The following NXN variants were observed in gnomAD, a reference collection of about 807,000 sequenced individuals.
NXN encodes nucleoredoxin 1.
Under a neutral mutation model 48.6 loss-of-function variants are expected in NXN, and 16 were observed. The ratio of observed to expected loss-of-function variants is 0.33; its 90% CI spans 0.22 to 0.50. The LOEUF (loss-of-function observed/expected upper bound fraction) is 0.50. Ranked by LOEUF, NXN falls within the 20% of genes least tolerant of loss-of-function variation. NXN has a pLI of 0.98. For synonymous variants in NXN, 281 were observed against 269.6 expected, an observed-to-expected ratio of 1.04 and a Z score of -0.41; for missense variants, 492 against 605.5, an observed-to-expected ratio of 0.81 and a Z score of 1.97.
At position 932,624 on chromosome 17, in the gene NXN, T is replaced by C. The variant is rs1597252654; in HGVS notation, c.360+46695A>G. Reference sequence around the variant, plus strand: ...TTCCCCAGGTTCTGGGCCCCTGCCCTGTGTGAGCTCTAGTGGGGTCAGCAG... The same window carrying C: ...TTCCCCAGGTTCTGGGCCCCTGCCCCGTGTGAGCTCTAGTGGGGTCAGCAG... On this transcript the variant is annotated intron_variant, in intron 1 of 7. Transcript: ENST00000336868. This position sits in a 1 kb window ranked among gnomAD's most constrained non-coding sequence, Gnocchi z 4.1. Among the ~76,000 whole-genome samples, 1 of 152,272 alleles carries C rather than the reference T, an allele frequency of 6.6e-6. No individual in the cohort carries two copies.
At chr17:863,993 T>C in intron 1 of NXN, 3 of 1,535,266 alleles carry the variant, frequency 2.0e-6, no homozygotes, top group Non-Finnish European at 2.6e-6. Flanking sequence ...ATTGCTCAGT[T>C]TCGGTGAAAG....
At chr17:858,695 C>T (rs1225982401) in intron 1 of NXN, among the ~76,000 whole-genome samples, 1 of 151,436 alleles carries the variant, frequency 6.6e-6, no homozygotes, top group South Asian at 2.1e-4. Context: ...CGCCACTGCA[C>T]TCCAGCCTGG....
At position 958,573 on chromosome 17, in the gene NXN, C is replaced by A. The variant is rs1446123594; in HGVS notation, c.360+20746G>T. Among the ~76,000 whole-genome samples the A allele has an allele frequency of 6.6e-6, 1 of 152,118 alleles. No individual in the cohort carries two copies. Among genetic ancestry groups the A allele is most frequent in the Non-Finnish European group, 1.5e-5 (1 of 68,030 alleles). On this transcript the variant is annotated intron_variant, in intron 1 of 7. Coordinates refer to ENST00000336868, the MANE Select transcript of NXN (RefSeq NM_022463.5). The surrounding 1 kb of genome is among the most constrained non-coding windows in gnomAD (Gnocchi z 6.9). ...GGATCACGAGGTCAGGAGTTCGAGA[C>A]CAGCCTGGCCAACATGGTGAAACCC...
intron 1 of NXN, among the ~76,000 whole-genome samples, chr17:977,551 C>G (rs933273300): frequency 2.0e-5 from 3 of 152,366 alleles, no homozygotes; most frequent in Non-Finnish European, 4.4e-5. Context: ...CATATTTTTA[C>G]TATCCAAAAA....
At chr17:950,472 G>A (rs367962785) in intron 1 of NXN, among the ~76,000 whole-genome samples, 27 of 148,430 alleles carry the variant, frequency 1.8e-4, no homozygotes, top group African/African-American at 6.0e-4. Flanking sequence ...GCAAACGGCC[G>A]GGCCAGCACA....
chr17:832,925 C>CTG (rs1445530680), intron 1 of NXN, among the ~76,000 whole-genome samples: 3 of 152,114 alleles, frequency 2.0e-5, no homozygotes, highest in Admixed American at 6.6e-5. Flanking sequence ...CGGAGTCTCG[C>CTG]TGTCCCCCAG....
intron 1 of NXN, among the ~76,000 whole-genome samples, chr17:948,845 T>A (rs9748058): frequency 4.0e-4 from 12 of 30,322 alleles, no homozygotes; most frequent in African/African-American, 1.5e-3. Context: ...CTCTCCCCCC[T>A]GCCTCCTCCT....
At chr17:940,923 G>C (rs1159495081) in intron 1 of NXN, among the ~76,000 whole-genome samples, 1 of 148,668 alleles carries the variant, frequency 6.7e-6, no homozygotes, top group Non-Finnish European at 1.5e-5. Flanking sequence ...ATTCCAGGGT[G>C]CAGCCATGAA....
intron 1 of NXN, among the ~76,000 whole-genome samples, chr17:955,761 G>C (rs1194362152): frequency 6.6e-6 from 1 of 151,910 alleles, no homozygotes. Context: ...AATTAGCCGG[G>C]CGTGGTGGCG....
chr17:920,050 C>A lies in NXN; in HGVS notation c.360+59269G>T, dbSNP rs1597242824. Among the ~76,000 whole-genome samples, 1 of 152,150 alleles carries A rather than the reference C, an allele frequency of 6.6e-6. No homozygotes were observed. Among genetic ancestry groups the A allele is most frequent in the East Asian group, 1.9e-4 (1 of 5,172 alleles). On this transcript the variant is annotated intron_variant, in intron 1 of 7. Transcript: ENST00000336868. The surrounding 1 kb of genome is among the most constrained non-coding windows in gnomAD (Gnocchi z 4.6). ...ACCTCCGCCTCCAACTCTCTTCGAG[C>A]CACCACGCGGTGCAAATGTTTGTAT...
intron 1 of NXN, among the ~76,000 whole-genome samples, chr17:937,653 C>T (rs2068921771): frequency 6.6e-6 from 1 of 152,186 alleles, no homozygotes; most frequent in Admixed American, 6.5e-5. Flanking sequence ...ACTCCAATTT[C>T]ACTCTTTTCT....
In NXN at chr17:856,554, A is replaced by G. The variant is rs531039085; in HGVS notation, c.361-30476T>C. On this transcript the variant is annotated intron_variant, in intron 1 of 7. Coordinates refer to ENST00000336868, the MANE Select transcript of NXN (RefSeq NM_022463.5). ...CGCCCAGGCTGGAGTGCAGTGGTGC[A>G]ATCTCGGCTCACCGCAACCTCCGCC... Among the ~76,000 whole-genome samples the G allele has an allele frequency of 2.1e-3, 310 of 146,164 alleles. 4 individuals carry two copies. The highest frequency in any genetic ancestry group is 7.6e-3 in the African/African-American group (300 of 39,288).
intron 5 of NXN, among the ~76,000 whole-genome samples, chr17:812,702 GTGTT>G (rs2144606569): frequency 6.6e-6 from 1 of 151,598 alleles, no homozygotes; most frequent in African/African-American, 2.4e-5. Context: ...ATGAATGTAG[GTGTT>G]TGCATGTGAG....
Position 952,212 on chromosome 17 carries a change from G to A in NXN, c.360+27107C>T, listed in dbSNP as rs533447352. 1.5e-3 allele frequency among the ~76,000 whole-genome samples: 179 copies of A among 121,338 alleles called. 2 individuals carry two copies. Among genetic ancestry groups the A allele is most frequent in the African/African-American group, 4.2e-3 (146 of 34,616 alleles). The allele number at this position is 121,338 out of a possible 152,430, so 79.6% of individuals were successfully genotyped here. ...GTCAGAGAGACCAAGGTTGGAACCC[G>A]GCAGGTACCACGGACGGTCACACTG... On this transcript the variant is annotated intron_variant, in intron 1 of 7. Coordinates refer to ENST00000336868, the MANE Select transcript of NXN (RefSeq NM_022463.5).
chr17:851,448 G>A (rs570273452), intron 1 of NXN, among the ~76,000 whole-genome samples: 23 of 152,366 alleles, frequency 1.5e-4, no homozygotes, highest in Admixed American at 1.2e-3. Flanking sequence ...CACTGTGTCC[G>A]CCGGCCACAA....
chr17:903,546 C>A (rs2144903635), intron 1 of NXN, among the ~76,000 whole-genome samples: 1 of 152,228 alleles, frequency 6.6e-6, no homozygotes, highest in African/African-American at 2.4e-5. Flanking sequence ...CCACACCCAG[C>A]TAACTTTAAA....
intron 5 of NXN, 122 bp downstream of exon 5, chr17:819,317 A>C (rs578075577): frequency 2.7e-6 from 2 of 743,202 alleles, no homozygotes; most frequent in Admixed American, 2.1e-5. Context: ...AGAAACATGA[A>C]AGGCACATGA....
intron 1 of NXN, among the ~76,000 whole-genome samples, chr17:937,475 C>T (rs2068919947): frequency 6.6e-6 from 1 of 152,080 alleles, no homozygotes; most frequent in Admixed American, 6.6e-5. Flanking sequence ...GGGGCAGCTT[C>T]AGGGAAAACA....
At position 825,485 on chromosome 17, in the gene NXN, C is replaced by A. The variant is rs375676212; in HGVS notation, c.478+476G>T. On this transcript the variant is annotated intron_variant, in intron 2 of 7. Coordinates refer to ENST00000336868, the MANE Select transcript of NXN (RefSeq NM_022463.5). The surrounding 1 kb of genome is among the most constrained non-coding windows in gnomAD (Gnocchi z 4.1). ...CCACGCGTAGCCAGCAAGACCAAGG[C>A]CCGCAGGGAGTGACAGCTCCAAGCA... is the stretch of plus-strand genomic sequence containing the variant. 39 of 162,392 alleles carry A rather than the reference C, an allele frequency of 2.4e-4. No individual in the cohort carries two copies. Among genetic ancestry groups the A allele is most frequent in the African/African-American group, 8.2e-4 (34 of 41,626 alleles). The allele number at this position is 162,392 out of a possible 1,614,324, so 10.1% of individuals were successfully genotyped here. A position where few individuals can be genotyped will look rare whatever the true frequency, so the allele number is the denominator to read the frequency against.
Sources: allele counts gnomAD v4.1 joint callset (sites outside exome capture counted in the v4.1 genomes callset), GRCh38; gene constraint gnomAD v4.1.1; non-coding constraint Gnocchi (gnomAD v3.1); transcripts MANE v1.5; gene names NCBI Gene and HGNC (gene_info 2026-07-23, HGNC 2026-07-21).